NEBL: variants seen among roughly 807,000 people sequenced by gnomAD.
NEBL encodes nebulette.
Under a neutral mutation model 140.2 loss-of-function variants are expected in NEBL, and 122 were observed. The observed-to-expected ratio is 0.87, with a 90% CI of 0.75 to 1.01. The LOEUF is 1.01. Ranked by LOEUF, NEBL falls within the 50% of genes least tolerant of loss-of-function variation. The pLI is 0.00. For synonymous variants in NEBL, 436 were observed against 398.9 expected, an observed-to-expected ratio of 1.09 and a Z score of -1.11; for missense variants, 1,365 against 1,231.3, an observed-to-expected ratio of 1.11 and a Z score of -1.62.
chr10:20,869,574 A>G (rs1038408289), intron 6 of NEBL, among the ~76,000 whole-genome samples, 166 bp downstream of exon 6: 5 of 152,212 alleles, frequency 3.3e-5, no homozygotes, highest in African/African-American at 4.8e-5. Flanking sequence ...ATATACCCAA[A>G]TAATTAACAT....
intron 3 of NEBL, among the ~76,000 whole-genome samples, chr10:21,204,636 T>C (rs572969227): frequency 2.3e-4 from 35 of 152,304 alleles, no homozygotes; most frequent in African/African-American, 8.2e-4. Flanking sequence ...GGCTGTGGGA[T>C]TCTGTTAAGG....
At chr10:21,114,014 A>G (rs1183804935) in intron 2 of NEBL, among the ~76,000 whole-genome samples, 2 of 152,046 alleles carry the variant, frequency 1.3e-5, no homozygotes, top group Non-Finnish European at 2.9e-5. Flanking sequence ...CATTGGTTTT[A>G]GAACCTTCTA....
At chr10:21,267,032 C>T (rs908116325) in intron 1 of NEBL, among the ~76,000 whole-genome samples, 17 of 151,824 alleles carry the variant, frequency 1.1e-4, no homozygotes, top group African/African-American at 2.2e-4. Context: ...TGGAGTGCAA[C>T]GGCGCGATCT....
At chr10:20,979,697 T>C (rs1191420368) in intron 3 of NEBL, among the ~76,000 whole-genome samples, 1 of 152,132 alleles carries the variant, frequency 6.6e-6, no homozygotes, top group African/African-American at 2.4e-5. Context: ...CACAGTTTTT[T>C]TTAATTCATT....
intron 3 of NEBL, among the ~76,000 whole-genome samples, chr10:21,231,475 G>T (rs555864717): frequency 1.3e-5 from 2 of 151,980 alleles, no homozygotes; most frequent in Non-Finnish European, 2.9e-5. Flanking sequence ...GGGGGAGGAG[G>T]TTGCAATGAG....
At chr10:21,208,434 C>G (rs7917284) in intron 3 of NEBL, among the ~76,000 whole-genome samples, 4,217 of 152,278 alleles carry the variant, frequency 0.028, 92 homozygotes, top group Non-Finnish European at 0.031. Context: ...AGAGGTCAGA[C>G]AGCAGGCTGA....
Position 21,202,461 on chromosome 10 carries a change from C to CTTTTTTTTTTTTTTTT in NEBL, n.349-30000_349-29985dup, listed in dbSNP as rs35623208. 1.0e-4 allele frequency among the ~76,000 whole-genome samples: 12 copies of CTTTTTTTTTTTTTTTT among 117,294 alleles called. 1 individual carries two copies. Among genetic ancestry groups the CTTTTTTTTTTTTTTTT allele is most frequent in the African/African-American group, 3.4e-4 (10 of 29,370 alleles). 76.9% of individuals were successfully genotyped at this position (117,294 alleles called of 152,430 possible). ...ACCTTCTAATTTTTCTTTTCTTTTT[C>CTTTTTTTTTTTTTTTT]TTTTTTTTTTTTTTTTTTTTGAAAC... On this transcript the variant is annotated intron_variant and non_coding_transcript_variant, in intron 3 of 8. Coordinates refer to the NEBL transcript ENST00000675702.
intron 1 of NEBL, among the ~76,000 whole-genome samples, chr10:21,272,823 C>A (rs1842875340): frequency 6.6e-6 from 1 of 152,120 alleles, no homozygotes. Context: ...TCTTCCTCCT[C>A]CCTGGACAGT....
intron 3 of NEBL, among the ~76,000 whole-genome samples, chr10:21,223,404 T>C (rs1197737300): frequency 6.6e-6 from 1 of 152,258 alleles, no homozygotes; most frequent in Non-Finnish European, 1.5e-5. Context: ...GGCTGAATAG[T>C]ATTCCATTGT....
intron 4 of NEBL, among the ~76,000 whole-genome samples, chr10:20,884,880 T>C (rs530750234): frequency 1.2e-3 from 188 of 152,388 alleles, no homozygotes; most frequent in Non-Finnish European, 2.1e-3. Flanking sequence ...GCTTTCTTTG[T>C]AATCTGTGCT....
intron 2 of NEBL, among the ~76,000 whole-genome samples, chr10:21,024,661 C>G (rs983902889): frequency 1.3e-5 from 2 of 148,370 alleles, no homozygotes; most frequent in Non-Finnish European, 2.9e-5. Flanking sequence ...CTGTAGGAAC[C>G]TAATTAATTT....
At chr10:21,200,513 C>A (rs1400396689) in intron 3 of NEBL, among the ~76,000 whole-genome samples, 1 of 151,938 alleles carries the variant, frequency 6.6e-6, no homozygotes, top group Non-Finnish European at 1.5e-5. Context: ...GGGGTTTCAC[C>A]ATATTGGTCA....
rs45551638 is a variant in NEBL, at chr10:20,817,350, G to A, written c.2148+250C>T. 9.1e-4 allele frequency among the ~76,000 whole-genome samples: 139 copies of A among 152,262 alleles called. 2 individuals carry two copies. The Middle Eastern group carries it at 0.017, about 19-fold the overall frequency. On this transcript the variant is annotated intron_variant, in intron 21 of 27. Coordinates refer to ENST00000377122, the MANE Select transcript of NEBL (RefSeq NM_006393.3). ...CCACTGCATTCCAGTCTGGGTGACA[G>A]AGCAAGACCCTGTCTCAAAAAAACA...
rs1405284909 is a variant in NEBL at position 20,785,104 on chromosome 10, A to G, written c.*643T>C. On this transcript the variant is annotated 3_prime_UTR_variant, in exon 28 of 28. Coordinates refer to ENST00000377122, the MANE Select transcript of NEBL (RefSeq NM_006393.3). ...CTGAGCATAGACTTGGGTCCATAGAATATAAATGGAGAGTAGGAGATGCCT... is the reference window on the plus strand; with the variant it reads ...CTGAGCATAGACTTGGGTCCATAGAGTATAAATGGAGAGTAGGAGATGCCT... The G allele has an allele frequency of 1.3e-5, 2 of 154,388 alleles. No individual in the cohort carries two copies. The highest frequency in any genetic ancestry group is 2.0e-4 in the South Asian group (1 of 4,944). The allele number at this position is 154,388 out of a possible 1,614,324, so 9.6% of individuals were successfully genotyped here. A position where few individuals can be genotyped will look rare whatever the true frequency, so the allele number is the denominator to read the frequency against.
At chr10:21,247,223 T>C (rs1408642036) in intron 3 of NEBL, among the ~76,000 whole-genome samples, 2 of 152,200 alleles carry the variant, frequency 1.3e-5, no homozygotes, top group African/African-American at 4.8e-5. Flanking sequence ...CTCACAGTTA[T>C]TTATAGCAGT....
chr10:21,047,972 TG>T, intron 2 of NEBL, among the ~76,000 whole-genome samples: 2 of 152,196 alleles, frequency 1.3e-5, no homozygotes, highest in Non-Finnish European at 2.9e-5. Context: ...CCCTTTTTTG[TG>T]GGGGTACACA....
intron 4 of NEBL, among the ~76,000 whole-genome samples, chr10:20,952,984 G>C (rs145314639): frequency 0.011 from 1,601 of 151,280 alleles, 22 homozygotes; most frequent in African/African-American, 0.029. Context: ...CATGATAGCA[G>C]CTTATATTAT....
At chr10:20,979,442 TAG>T (rs2131659421) in intron 3 of NEBL, among the ~76,000 whole-genome samples, 1 of 152,322 alleles carries the variant, frequency 6.6e-6, no homozygotes, top group East Asian at 1.9e-4. Flanking sequence ...AGGTGGTCAT[TAG>T]CCTTGTCTAT....
intron 2 of NEBL, among the ~76,000 whole-genome samples, chr10:21,088,981 T>C (rs1836781795): frequency 6.6e-6 from 1 of 151,938 alleles, no homozygotes; most frequent in Non-Finnish European, 1.5e-5. Context: ...CAGGTGAAGC[T>C]CTAGAGGGGA....
Sources: gnomAD v4.1 joint callset for allele counts (sites outside exome capture counted in the v4.1 genomes callset) on GRCh38, gnomAD v4.1.1 for gene constraint, MANE v1.5 for transcripts, NCBI Gene and HGNC (gene_info 2026-07-23, HGNC 2026-07-21) for gene names.